The following HADHA variants were observed in gnomAD, a reference collection of about 807,000 sequenced individuals.
HADHA encodes hydroxyacyl-CoA dehydrogenase trifunctional multienzyme complex subunit alpha.
Under a neutral mutation model 91.3 loss-of-function variants are expected in HADHA, and 59 were observed. That is an observed-to-expected ratio of 0.65 (90% CI 0.52 to 0.80). The LOEUF (loss-of-function observed/expected upper bound fraction) is 0.80, where lower values mean the gene tolerates loss of function less well. HADHA is among the 30% of genes least tolerant of loss of function. The probability of loss-of-function intolerance (pLI) is 0.00; values close to 1 mark genes in which losing one functional copy is unlikely to be tolerated. For synonymous variants in HADHA, 320 were observed against 338.9 expected, an observed-to-expected ratio of 0.94 and a Z score of 0.61; for missense variants, 800 against 927.6, an observed-to-expected ratio of 0.86 and a Z score of 1.79.
At position 26,212,557 on chromosome 2, in the gene HADHA, GA is replaced by G. The variant is rs770910398; in HGVS notation, c.975+12del. 9 of 1,486,068 alleles carry G rather than the reference GA, an allele frequency of 6.1e-6. No homozygotes were observed. In the East Asian group the frequency reaches 1.1e-4, roughly 19 times the overall value. 92.1% of individuals were successfully genotyped at this position (1,486,068 alleles called of 1,614,324 possible). A position where few individuals can be genotyped will look rare whatever the true frequency, so the allele number is the denominator to read the frequency against. On this transcript the variant is annotated intron_variant, in intron 10 of 19. Transcript: ENST00000380649. ...TTAACTGATAATAAAACATTGAAAGGAAATAAGTTTACCTGAGATTCACAGA... is the reference window on the plus strand; with the variant it reads ...TTAACTGATAATAAAACATTGAAAGGAATAAGTTTACCTGAGATTCACAGA...
chr2:26,232,284 G>C lies in HADHA; in HGVS notation c.454-5C>G, dbSNP rs1042817291. On this transcript the variant is annotated splice_polypyrimidine_tract_variant and splice_region_variant and intron_variant, in intron 5 of 19. Transcript: ENST00000380649. ...GTATTGGCATGAAATGGCAACCTTTGAACAAATGAAAGAAAATTAGAATGT... is the reference window on the plus strand; with the variant it reads ...GTATTGGCATGAAATGGCAACCTTTCAACAAATGAAAGAAAATTAGAATGT... 1 of 1,591,092 alleles carries C rather than the reference G, an allele frequency of 6.3e-7. No homozygotes were observed. Among genetic ancestry groups the C allele is most frequent in the East Asian group, 2.2e-5 (1 of 44,750 alleles).
intron 11 of HADHA, 70 bp downstream of exon 11, chr2:26,209,710 T>A: frequency 2.4e-6 from 2 of 822,638 alleles, no homozygotes; most frequent in Admixed American, 1.7e-5. Context: ...GCTCTGTAGA[T>A]CTTCAAAGCC....
In HADHA at chr2:26,229,740, A is replaced by C. The variant is rs796206551; in HGVS notation, c.676+452T>G. Among the ~76,000 whole-genome samples the C allele has an allele frequency of 3.3e-5, 5 of 152,330 alleles. No individual in the cohort carries two copies. Among genetic ancestry groups the C allele is most frequent in the African/African-American group, 1.2e-4 (5 of 41,592 alleles). ...TGTTGAAAATGATTTAGTATTAGCT[A>C]TTTTATAAAACTTCCTTCCTTAGAA... On this transcript the variant is annotated intron_variant, in intron 7 of 19. Coordinates refer to ENST00000380649, the MANE Select transcript of HADHA (RefSeq NM_000182.5). This position sits in a 1 kb window ranked among gnomAD's most constrained non-coding sequence, Gnocchi z 4.3.
chr2:26,211,236 ATGTT>A (rs1174488921), intron 10 of HADHA, among the ~76,000 whole-genome samples: 1 of 152,186 alleles, frequency 6.6e-6, no homozygotes, highest in Non-Finnish European at 1.5e-5. Flanking sequence ...TTCTGTACGT[ATGTT>A]TATGTGCACT....
chr2:26,212,079 T>C (rs957603569), intron 10 of HADHA: 1 of 170,422 alleles, frequency 5.9e-6, no homozygotes, highest in African/African-American at 2.4e-5. Context: ...ATAGGGTTTT[T>C]TCTTTTTTTT....
chr2:26,239,901 T>C (rs575486910), intron 1 of HADHA, among the ~76,000 whole-genome samples: 5 of 152,326 alleles, frequency 3.3e-5, no homozygotes, highest in African/African-American at 1.2e-4. Context: ...AACAAGTCTC[T>C]TACAAGTGAA....
intron 6 of HADHA, among the ~76,000 whole-genome samples, chr2:26,230,935 T>C (rs978924223): frequency 2.6e-5 from 4 of 151,954 alleles, no homozygotes; most frequent in Non-Finnish European, 4.4e-5. Context: ...TAAAATAAAA[T>C]AAAATTCTCA....
intron 1 of HADHA, among the ~76,000 whole-genome samples, chr2:26,243,675 G>A (rs1670981219): frequency 6.6e-6 from 1 of 152,186 alleles, no homozygotes; most frequent in South Asian, 2.1e-4. Context: ...AAAATTTCTA[G>A]TTAAGTAACT....
At chr2:26,238,856 T>C in intron 3 of HADHA, 78 bp downstream of exon 3, 1 of 879,370 alleles carries the variant, frequency 1.1e-6, no homozygotes, top group Non-Finnish European at 2.0e-6. Context: ...TTTGGGGAAA[T>C]ATGGGATACA....
rs1010546942 is a variant in HADHA at position 26,229,931 on chromosome 2, G to A, written c.676+261C>T. 2.0e-5 allele frequency among the ~76,000 whole-genome samples: 3 copies of A among 152,116 alleles called. No individual in the cohort carries two copies. Among genetic ancestry groups the A allele is most frequent in the African/African-American group, 7.2e-5 (3 of 41,422 alleles). ...AACCTCAGCCCCGCCAGGTTCAAGCGATCCTCCTGCCTCAGCCTCCCAAGT... is the reference window on the plus strand; with the variant it reads ...AACCTCAGCCCCGCCAGGTTCAAGCAATCCTCCTGCCTCAGCCTCCCAAGT... On this transcript the variant is annotated intron_variant, in intron 7 of 19. Transcript: ENST00000380649. This position sits in a 1 kb window ranked among gnomAD's most constrained non-coding sequence, Gnocchi z 4.3.
At position 26,214,416 on chromosome 2, in the gene HADHA, A is replaced by G. The variant is rs912332094; in HGVS notation, c.918+27T>C. The G allele has an allele frequency of 2.9e-6, 3 of 1,037,472 alleles. No homozygotes were observed. In the Admixed American group the frequency reaches 5.1e-5, roughly 17 times the overall value. The allele number at this position is 1,037,472 out of a possible 1,614,324, so 64.3% of individuals were successfully genotyped here. On this transcript the variant is annotated intron_variant, in intron 9 of 19. Coordinates refer to ENST00000380649, the MANE Select transcript of HADHA (RefSeq NM_000182.5). This position sits in a 1 kb window ranked among gnomAD's most constrained non-coding sequence, Gnocchi z 4.1. Reference sequence around the variant, plus strand: ...CTATATAAAGGAAGGAAATATGAGAAAAGTGGGAATATTGGGTAAGACTCA... The same window carrying G: ...CTATATAAAGGAAGGAAATATGAGAGAAGTGGGAATATTGGGTAAGACTCA...
At chr2:26,195,401 T>C (rs547837010) in intron 14 of HADHA, among the ~76,000 whole-genome samples, 169 bp from the exon 15 acceptor site, 97 of 152,152 alleles carry the variant, frequency 6.4e-4, no homozygotes, top group African/African-American at 2.3e-3. Flanking sequence ...AAGTTTAGTA[T>C]GTTTAGGGAG....
intron 15 of HADHA, 136 bp downstream of exon 15, chr2:26,194,956 C>A: frequency 1.2e-6 from 1 of 842,780 alleles, no homozygotes; most frequent in Non-Finnish European, 2.1e-6. Context: ...CACCGTCCAT[C>A]CTGGAGACAA....
At chr2:26,242,812 C>CTCACT (rs1670931759) in intron 1 of HADHA, among the ~76,000 whole-genome samples, 7 of 152,220 alleles carry the variant, frequency 4.6e-5, no homozygotes, top group Admixed American at 4.6e-4. Context: ...AGTGCTGTGG[C>CTCACT]GCGATCTCGG....
chr2:26,194,594 C>T lies in HADHA; in HGVS notation c.1665G>A (p.Met555Ile). Residue 555 changes from methionine to isoleucine, a missense_variant, in exon 16 of 20, where the codon ATG becomes ATA. Coordinates refer to ENST00000380649, the MANE Select transcript of HADHA (RefSeq NM_000182.5). ...FYTTRCLAPM[M>I]SEVIRILQEG... is the part of the protein sequence containing the mutation. The stretch of plus-strand genomic sequence containing the variant: ...CCTGGAGGATTCGGATGACTTCAGA[C>T]ATCATGGGCGCAAGACACCTGGTAG... 6.2e-7 allele frequency: 1 copy of T among 1,612,088 alleles called. No individual in the cohort carries two copies. Among genetic ancestry groups the T allele is most frequent in the Non-Finnish European group, 8.5e-7 (1 of 1,178,200 alleles).
intron 1 of HADHA, among the ~76,000 whole-genome samples, chr2:26,239,451 T>G (rs975668963): frequency 1.3e-5 from 2 of 152,042 alleles, no homozygotes; most frequent in African/African-American, 2.4e-5. Flanking sequence ...ATAAAGAAAG[T>G]TTATCATGGA....
rs201531405 is a variant in HADHA, at chr2:26,205,797, AT to A, written c.1086-1602del. ...AGCCTAGGTGACAGAGTGAGACTCC[AT>A]TTTTTTTAAAAAAAAAAATTCTGTT... On this transcript the variant is annotated intron_variant, in intron 11 of 19. Transcript: ENST00000380649. Among the ~76,000 whole-genome samples, 367 of 149,704 alleles carry A rather than the reference AT, an allele frequency of 2.5e-3. 3 individuals carry two copies. The highest frequency in any genetic ancestry group is 7.7e-3 in the African/African-American group (308 of 40,106).
intron 7 of HADHA, among the ~76,000 whole-genome samples, chr2:26,220,855 G>C (rs1179340403): frequency 6.6e-6 from 1 of 152,174 alleles, no homozygotes; most frequent in East Asian, 1.9e-4. Flanking sequence ...TCATTACACT[G>C]TGATATTATG....
intron 13 of HADHA, among the ~76,000 whole-genome samples, chr2:26,199,705 T>G (rs1021993411): frequency 5.9e-5 from 9 of 152,310 alleles, no homozygotes; most frequent in Admixed American, 5.9e-4. Context: ...GTAGCCTCTT[T>G]TTTTATTTTT....
Sources: allele counts gnomAD v4.1 joint callset (sites outside exome capture counted in the v4.1 genomes callset), GRCh38; gene constraint gnomAD v4.1.1; non-coding constraint Gnocchi (gnomAD v3.1); transcripts MANE v1.5; gene names NCBI Gene and HGNC (gene_info 2026-07-23, HGNC 2026-07-21).